ACACB: variants seen among roughly 807,000 people sequenced by gnomAD.
ACACB encodes the protein acetyl-CoA carboxylase 2.
ACACB carries 209 observed loss-of-function variants against 278.8 expected under a neutral mutation model. The observed-to-expected ratio is 0.75, with a 90% confidence interval of 0.67 to 0.84. ACACB has a LOEUF of 0.84. ACACB is among the 40% of genes least tolerant of loss of function. The pLI is 0.00. For missense variants in ACACB, 2,850 were observed against 3,269.0 expected (o/e 0.87, Z 3.13); for synonymous variants, 1,174 against 1,285.6 (o/e 0.91, Z 1.86).
At chr12:109,252,356 A>C in intron 42 of ACACB, 200 bp downstream of exon 42, 1 of 446,922 alleles carries the variant, frequency 2.2e-6, no homozygotes, top group Non-Finnish European at 3.9e-6. Context: ...ATTCTGGTCG[A>C]TCTAACTCCC....
intron 2 of ACACB, among the ~76,000 whole-genome samples, chr12:109,155,274 G>T (rs2043500604): frequency 6.6e-6 from 1 of 152,186 alleles, no homozygotes; most frequent in South Asian, 2.1e-4. Flanking sequence ...GCTGATGGTT[G>T]TGGAAGGCAG....
chr12:109,187,313 CTT>C (rs1329168342), intron 12 of ACACB, among the ~76,000 whole-genome samples: 2 of 152,216 alleles, frequency 1.3e-5, no homozygotes, highest in East Asian at 3.9e-4. Context: ...TCTATTTAAA[CTT>C]TTTATTTTCG....
rs147718391 is a variant in ACACB, at chr12:109,241,113, C to T, written c.4854C>T (p.Tyr1618=). The T allele has an allele frequency of 2.1e-4, 346 of 1,614,056 alleles. No individual in the cohort carries two copies. Among genetic ancestry groups the T allele is most frequent in the Non-Finnish European group, 2.6e-4 (312 of 1,180,034 alleles). ...EESVRYMVMR[Y]GSRLWKLRVL... ...CCGTGCGCTACATGGTTATGCGCTA[C>T]GGCAGCCGGCTGTGGAAACTCCGTG... The change falls in exon 36 of 53, where the codon TAC becomes TAT. Residue 1618 remains tyrosine, a synonymous_variant. Transcript: ENST00000338432.
At position 109,265,155 on chromosome 12, in the gene ACACB, C is replaced by T. The variant is rs753256577; in HGVS notation, c.6988C>T (p.Leu2330=). 2.7e-5 allele frequency: 44 copies of T among 1,613,800 alleles called. 1 individual carries two copies. The South Asian group carries it at 4.2e-4, about 15-fold the overall frequency. The change falls in exon 51 of 53, where the codon CTG becomes TTG. Residue 2330 remains leucine (L), a synonymous_variant. Coordinates refer to ENST00000338432, the MANE Select transcript of ACACB (RefSeq NM_001093.4). ...CGCACGCACCTTCCTGTATTGGCGT[C>T]TGCGCCGCCTCCTCCTGGAGGACCA... The part of the protein sequence containing the change: ...KTARTFLYWR[L]RRLLLEDQVK...
intron 1 of ACACB, among the ~76,000 whole-genome samples, chr12:109,127,763 A>G (rs1488597086): frequency 5.9e-5 from 9 of 152,172 alleles, no homozygotes; most frequent in Non-Finnish European, 1.3e-4. Flanking sequence ...GCCGTCAAGC[A>G]CAGTTGCAGG....
chr12:109,179,082 C>T lies in ACACB; in HGVS notation c.1438-6C>T, dbSNP rs567077845. The T allele has an allele frequency of 1.1e-4, 178 of 1,611,152 alleles. No homozygotes were observed. The Admixed American group carries it at 1.8e-3, about 17-fold the overall frequency. The stretch of plus-strand genomic sequence containing the variant: ...GAAGATCAGGCTGCTCTGCTTCCCC[C>T]GACAGGTACAGAGTGAGATCCCAGG... On this transcript the variant is annotated splice_region_variant and splice_polypyrimidine_tract_variant and intron_variant, in intron 9 of 52. Coordinates refer to ENST00000338432, the MANE Select transcript of ACACB (RefSeq NM_001093.4).
At chr12:109,232,331 T>C (rs1012646656) in intron 28 of ACACB, among the ~76,000 whole-genome samples, 1 of 152,026 alleles carries the variant, frequency 6.6e-6, no homozygotes, top group Non-Finnish European at 1.5e-5. Context: ...GGCTGGTGGA[T>C]TTCTCCAGGA....
chr12:109,123,098 A>G (rs898135937), intron 1 of ACACB, among the ~76,000 whole-genome samples: 1 of 151,060 alleles, frequency 6.6e-6, no homozygotes. Context: ...GGAGAATGGC[A>G]TGAACCCAGG....
At chr12:109,225,935 A>G (rs963123512) in intron 27 of ACACB, among the ~76,000 whole-genome samples, 4 of 152,102 alleles carry the variant, frequency 2.6e-5, no homozygotes, top group African/African-American at 9.7e-5. Context: ...ATATTATTAA[A>G]ATTATTTTTT....
chr12:109,261,595 G>A (rs1378331770), intron 48 of ACACB, among the ~76,000 whole-genome samples: 5 of 152,120 alleles, frequency 3.3e-5, no homozygotes, highest in African/African-American at 9.7e-5. Flanking sequence ...ATGAGGCCAG[G>A]CGTGGTGGCT....
intron 15 of ACACB, among the ~76,000 whole-genome samples, chr12:109,192,625 G>C (rs1018714293): frequency 6.6e-6 from 1 of 151,788 alleles, no homozygotes; most frequent in Non-Finnish European, 1.5e-5. Flanking sequence ...AGAGGCAAAG[G>C]AACTATCAAA....
intron 21 of ACACB, among the ~76,000 whole-genome samples, chr12:109,210,143 GTATA>G (rs1273019722): frequency 1.5e-5 from 1 of 66,596 alleles, no homozygotes; most frequent in African/African-American, 5.4e-5. Flanking sequence ...GTGTATATAT[GTATA>G]TATACACACG....
In ACACB at chr12:109,265,386, CAGG is replaced by C; in HGVS notation, c.7114-2_7114del. On this transcript the variant is annotated splice_acceptor_variant and coding_sequence_variant, in exon 52 of 53. Transcript: ENST00000338432. LOFTEE classifies it high-confidence loss of function. ...TCTGAGGCATCCTCTGCCCCCTCCCCAGGCCTACTTGTGGGACAACAACCAGGT... is the reference window on the plus strand; with the variant it reads ...TCTGAGGCATCCTCTGCCCCCTCCCCCCTACTTGTGGGACAACAACCAGGT... 6.2e-7 allele frequency: 1 copy of C among 1,613,798 alleles called. No individual in the cohort carries two copies. Among genetic ancestry groups the C allele is most frequent in the Non-Finnish European group, 8.5e-7 (1 of 1,179,918 alleles).
At chr12:109,172,443 G>C in intron 6 of ACACB, 87 bp downstream of exon 6, 1 of 1,257,696 alleles carries the variant, frequency 8.0e-7, no homozygotes, top group Middle Eastern at 1.9e-4. Context: ...CTCCTGTCCT[G>C]TAAAGCGGAG....
At chr12:109,164,094 C>T (rs1022444949) in intron 2 of ACACB, among the ~76,000 whole-genome samples, 12 of 152,134 alleles carry the variant, frequency 7.9e-5, no homozygotes, top group Non-Finnish European at 1.3e-4. Context: ...GACAGAGGGA[C>T]GCTCCTATAA....
chr12:109,263,668 T>A (rs1331009013), intron 49 of ACACB: 1 of 152,240 alleles, frequency 6.6e-6, no homozygotes, highest in Non-Finnish European at 1.5e-5. Context: ...CTTTATGTTT[T>A]TGATAGAGGT....
intron 18 of ACACB, among the ~76,000 whole-genome samples, chr12:109,200,449 G>A (rs905618088): frequency 1.3e-5 from 2 of 152,148 alleles, no homozygotes; most frequent in Non-Finnish European, 2.9e-5. Context: ...CTCTGAAAGT[G>A]CTGGGATTGC....
chr12:109,121,834 C>A (rs1593349447), intron 1 of ACACB, among the ~76,000 whole-genome samples: 1 of 152,236 alleles, frequency 6.6e-6, no homozygotes, highest in East Asian at 1.9e-4. Context: ...GACAGAGCCA[C>A]TCCTTGCCCT....
chr12:109,117,972 TCTC>T, intron 1 of ACACB, among the ~76,000 whole-genome samples: 1 of 152,184 alleles, frequency 6.6e-6, no homozygotes, highest in African/African-American at 2.4e-5. Flanking sequence ...ATGGTCTCGA[TCTC>T]CTGACCTCAA....
Sources: allele counts gnomAD v4.1 joint callset (sites outside exome capture counted in the v4.1 genomes callset), GRCh38; gene constraint gnomAD v4.1.1; transcripts MANE v1.5; gene names NCBI Gene and HGNC (gene_info 2026-07-23, HGNC 2026-07-21).